GABRB3: variants seen among roughly 807,000 people sequenced by gnomAD.
The protein encoded by GABRB3 is gamma-aminobutyric acid type A receptor subunit beta3, also known as gamma-aminobutyric acid receptor subunit beta-3.
GABRB3 carries 14 observed loss-of-function variants against 52.1 expected under a neutral mutation model. That is an observed-to-expected ratio of 0.27 (90% CI 0.18 to 0.42). The LOEUF (loss-of-function observed/expected upper bound fraction) is 0.42. Among genes scored for constraint, GABRB3 ranks in the 10% least tolerant of loss-of-function variants. The pLI, the probability that GABRB3 is intolerant of heterozygous loss-of-function variation, is 1.00. For synonymous variants in GABRB3, 260 were observed against 232.3 expected, an observed-to-expected ratio of 1.12 and a Z score of -1.08; for missense variants, 307 against 609.1, an observed-to-expected ratio of 0.50 and a Z score of 5.22.
chr15:26,618,037 C>T (rs1419363862), intron 4 of GABRB3, among the ~76,000 whole-genome samples: 1 of 152,144 alleles, frequency 6.6e-6, no homozygotes, highest in Admixed American at 6.5e-5. Flanking sequence ...AATGGAAGAA[C>T]ATTCCATGCT....
rs981161685 is a variant in GABRB3, at chr15:26,689,076, C to G, written c.241-67542G>C. ...ATGGGTTGGTGGAATCACAAGGCCT[C>G]TTTATGAAGTGAGTTCAGTGGTTTG... On this transcript the variant is annotated intron_variant, in intron 3 of 8. Transcript: ENST00000311550. 5.4e-4 allele frequency among the ~76,000 whole-genome samples: 82 copies of G among 152,326 alleles called. 1 individual carries two copies. Among genetic ancestry groups the G allele is most frequent in the African/African-American group, 1.8e-3 (74 of 41,576 alleles).
chr15:26,712,178 CT>C (rs3046011), intron 3 of GABRB3, among the ~76,000 whole-genome samples: 59,502 of 146,410 alleles, frequency 0.41, 12,054 homozygotes, highest in African/African-American at 0.47. Context: ...ACTTTTCTTT[CT>C]TTTTTTTTTT....
At chr15:26,715,135 G>A (rs761880994) in intron 3 of GABRB3, among the ~76,000 whole-genome samples, 3 of 152,188 alleles carry the variant, frequency 2.0e-5, no homozygotes, top group Non-Finnish European at 2.9e-5. Flanking sequence ...CTTGAAGCAG[G>A]AGGCAGGTGT....
chr15:26,680,988 G>T (rs879336824), intron 3 of GABRB3, among the ~76,000 whole-genome samples: 2 of 152,148 alleles, frequency 1.3e-5, no homozygotes, highest in Non-Finnish European at 2.9e-5. Flanking sequence ...CGTGCATTTT[G>T]TAAGATTAAC....
intron 4 of GABRB3, among the ~76,000 whole-genome samples, chr15:26,590,964 C>T (rs1162698339): frequency 6.6e-6 from 1 of 152,196 alleles, no homozygotes; most frequent in African/African-American, 2.4e-5. Flanking sequence ...TTTTTCTAGG[C>T]TTTTCTGCTT....
intron 3 of GABRB3, among the ~76,000 whole-genome samples, chr15:26,742,771 T>A (rs1890241960): frequency 6.6e-6 from 1 of 152,208 alleles, no homozygotes; most frequent in Admixed American, 6.5e-5. Context: ...ACTTTGTTAT[T>A]CTCACCCATG....
intron 4 of GABRB3, among the ~76,000 whole-genome samples, chr15:26,594,453 T>C (rs748635526): frequency 6.6e-6 from 1 of 152,230 alleles, no homozygotes; most frequent in Non-Finnish European, 1.5e-5. Flanking sequence ...GTGAAGTCTC[T>C]GTTGCTTTAG....
chr15:26,580,299 T>G lies in GABRB3; in HGVS notation c.682+20A>C. 1 of 1,614,080 alleles carries G rather than the reference T, an allele frequency of 6.2e-7. No individual in the cohort carries two copies. Among genetic ancestry groups the G allele is most frequent in the East Asian group, 2.2e-5 (1 of 44,858 alleles). ...GGAGCCAGTGCCCCTGAAGGGACTA[T>G]AAGTGGATGCAGGACTCACCTGTGG... On this transcript the variant is annotated intron_variant, in intron 6 of 8. Coordinates refer to ENST00000311550, the MANE Select transcript of GABRB3 (RefSeq NM_000814.6).
chr15:26,758,058 A>G (rs1380793417), intron 3 of GABRB3, among the ~76,000 whole-genome samples: 1 of 151,746 alleles, frequency 6.6e-6, no homozygotes, highest in Non-Finnish European at 1.5e-5. Flanking sequence ...TTGTTTTCAC[A>G]GTTTCCTTTA....
chr15:26,619,871 T>A (rs1892412031), intron 4 of GABRB3, among the ~76,000 whole-genome samples: 1 of 149,768 alleles, frequency 6.7e-6, no homozygotes, highest in Admixed American at 6.7e-5. Context: ...CACACACACA[T>A]CCACAATGCA....
chr15:26,617,410 A>C (rs536730848), intron 4 of GABRB3, among the ~76,000 whole-genome samples: 38 of 151,782 alleles, frequency 2.5e-4, no homozygotes, highest in South Asian at 2.1e-3. Flanking sequence ...CCAAAGAAAA[A>C]AACCACATGA....
chr15:26,713,695 G>T (rs1402545568), intron 3 of GABRB3, among the ~76,000 whole-genome samples: 1 of 152,248 alleles, frequency 6.6e-6, no homozygotes, highest in Non-Finnish European at 1.5e-5. Flanking sequence ...GTTTCCATAA[G>T]ATGTCGTGGG....
intron 3 of GABRB3, among the ~76,000 whole-genome samples, chr15:26,723,952 C>T (rs1889707478): frequency 6.6e-6 from 1 of 152,120 alleles, no homozygotes; most frequent in African/African-American, 2.4e-5. Flanking sequence ...ATTGGCTAGC[C>T]CCAAGGAATG....
chr15:26,706,946 G>A (rs1332056632), intron 3 of GABRB3, among the ~76,000 whole-genome samples: 2 of 152,182 alleles, frequency 1.3e-5, no homozygotes, highest in African/African-American at 4.8e-5. Flanking sequence ...GTTTGTATTT[G>A]AGAAGCAGTG....
chr15:26,765,116 C>T (rs968426637), intron 3 of GABRB3, among the ~76,000 whole-genome samples: 8 of 105,526 alleles, frequency 7.6e-5, no homozygotes, highest in African/African-American at 2.3e-4. Flanking sequence ...GGTGACAGAG[C>T]GAGACTCCGA....
chr15:26,646,945 G>A (rs554672510), intron 3 of GABRB3, among the ~76,000 whole-genome samples: 4 of 152,274 alleles, frequency 2.6e-5, no homozygotes, highest in African/African-American at 9.6e-5. Context: ...CCGGGTTCAC[G>A]CCATTCTCCT....
At chr15:26,623,876 C>G (rs1461122846) in intron 3 of GABRB3, among the ~76,000 whole-genome samples, 1 of 152,208 alleles carries the variant, frequency 6.6e-6, no homozygotes, top group Non-Finnish European at 1.5e-5. Flanking sequence ...GAGCAGCCCC[C>G]ATGGCATGGT....
intron 3 of GABRB3, among the ~76,000 whole-genome samples, chr15:26,722,301 A>G (rs1029019111): frequency 6.6e-6 from 1 of 152,174 alleles, no homozygotes; most frequent in African/African-American, 2.4e-5. Flanking sequence ...GCAGCAAATG[A>G]CCAAGATCTC....
chr15:26,683,253 G>A (rs1304136229), intron 3 of GABRB3, among the ~76,000 whole-genome samples: 2 of 151,806 alleles, frequency 1.3e-5, no homozygotes, highest in Non-Finnish European at 2.9e-5. Flanking sequence ...TTAATAAATT[G>A]TATTATTACA....
Sources: gnomAD v4.1 joint callset for allele counts (sites outside exome capture counted in the v4.1 genomes callset) on GRCh38, gnomAD v4.1.1 for gene constraint, MANE v1.5 for transcripts, NCBI Gene and HGNC (gene_info 2026-07-23, HGNC 2026-07-21) for gene names.